Variants in DLG2 observed in about 807,000 individuals in gnomAD.
The protein encoded by DLG2 is disks large homolog 2.
Under a neutral mutation model 132.5 loss-of-function variants are expected in DLG2, and 45 were observed. The observed-to-expected ratio is 0.34, with a 90% CI of 0.27 to 0.44. DLG2 has a LOEUF of 0.44. DLG2 is among the 20% of genes least tolerant of loss of function. The probability of loss-of-function intolerance (pLI) is 1.00; values close to 1 mark genes in which losing one functional copy is unlikely to be tolerated. For missense variants in DLG2, 1,045 were observed against 1,196.9 expected (o/e 0.87, Z 1.87); for synonymous variants, 424 against 419.6 (o/e 1.01, Z -0.13).
chr11:85,081,353 G>C (rs571476508), intron 6 of DLG2, among the ~76,000 whole-genome samples: 1 of 152,118 alleles, frequency 6.6e-6, no homozygotes, highest in African/African-American at 2.4e-5. Flanking sequence ...GAACACTTAG[G>C]ATATATGTTG....
chr11:84,052,904 C>T (rs552873827), intron 11 of DLG2, among the ~76,000 whole-genome samples: 1 of 152,138 alleles, frequency 6.6e-6, no homozygotes, highest in South Asian at 2.1e-4. Flanking sequence ...CTCAGCAATC[C>T]CACCACAGGG....
At chr11:83,786,185 T>C (rs12796763) in intron 18 of DLG2, among the ~76,000 whole-genome samples, 58,608 of 151,962 alleles carry the variant, frequency 0.39, 11,666 homozygotes, top group Middle Eastern at 0.6. Flanking sequence ...TCACTGAGTC[T>C]CATGGTTTAC....
At chr11:84,678,126 T>G (rs2099719033) in intron 6 of DLG2, among the ~76,000 whole-genome samples, 1 of 152,018 alleles carries the variant, frequency 6.6e-6, no homozygotes, top group East Asian at 1.9e-4. Flanking sequence ...ACCCAATCAC[T>G]TCTTCCTCCA....
At chr11:84,786,655 C>A (rs989918980) in intron 6 of DLG2, among the ~76,000 whole-genome samples, 10 of 152,166 alleles carry the variant, frequency 6.6e-5, no homozygotes, top group Admixed American at 2.6e-4. Flanking sequence ...GAATAAAGCT[C>A]CAATGAGCCA....
At chr11:84,764,484 C>T (rs2068109725) in intron 6 of DLG2, among the ~76,000 whole-genome samples, 1 of 152,026 alleles carries the variant, frequency 6.6e-6, no homozygotes, top group Admixed American at 6.6e-5. Context: ...CTGTTCTAAG[C>T]ACTTTATAAT....
At position 83,980,573 on chromosome 11, in the gene DLG2, G is replaced by C; in HGVS notation, c.989C>G (p.Thr330Ser). 6.2e-7 allele frequency: 1 copy of C among 1,613,632 alleles called. No homozygotes were observed. Among genetic ancestry groups the C allele is most frequent in the Non-Finnish European group, 8.5e-7 (1 of 1,179,808 alleles). Residue 330 changes from threonine (T) to serine (S), a missense_variant, in exon 12 of 28, where the codon ACT becomes AGT. Physicochemically the swap from Thr to Ser is moderately conservative, Grantham distance 58. Coordinates refer to ENST00000376104, the MANE Select transcript of DLG2 (RefSeq NM_001142699.3). ...HIPGDNSIYV[T>S]KIIDGGAAQK... ...TGCAGCTCCTCCATCTATAATTTTA[G>C]TTACATAAATGCTGTTGTCTCCAGG...
At chr11:84,541,093 T>A (rs1171591309) in intron 6 of DLG2, among the ~76,000 whole-genome samples, 1 of 151,872 alleles carries the variant, frequency 6.6e-6, no homozygotes, top group East Asian at 1.9e-4. Context: ...CTAATGTAAA[T>A]GACGAGTTAA....
At chr11:84,765,518 C>A (rs1441278972) in intron 6 of DLG2, among the ~76,000 whole-genome samples, 1 of 151,990 alleles carries the variant, frequency 6.6e-6, no homozygotes, top group African/African-American at 2.4e-5. Flanking sequence ...AGAAATTGGA[C>A]AAACTACTGA....
chr11:84,623,174 T>C (rs1420129941), intron 6 of DLG2, among the ~76,000 whole-genome samples: 2 of 152,190 alleles, frequency 1.3e-5, no homozygotes, highest in South Asian at 2.1e-4. Flanking sequence ...ATATCCCAAC[T>C]ATTAATAACT....
At chr11:84,834,641 C>A (rs965146193) in intron 6 of DLG2, among the ~76,000 whole-genome samples, 1 of 151,384 alleles carries the variant, frequency 6.6e-6, no homozygotes, top group African/African-American at 2.4e-5. Flanking sequence ...GGGGTTAGGA[C>A]TGAATATGGA....
chr11:84,356,703 T>A (rs972139860), intron 7 of DLG2, among the ~76,000 whole-genome samples: 7 of 152,076 alleles, frequency 4.6e-5, no homozygotes, highest in Non-Finnish European at 8.8e-5. Flanking sequence ...TTATTCTAAT[T>A]ATTATTATCA....
chr11:84,386,793 A>G (rs906402525), intron 7 of DLG2, among the ~76,000 whole-genome samples: 5 of 152,216 alleles, frequency 3.3e-5, no homozygotes, highest in African/African-American at 1.2e-4. Context: ...ATGCATTTTA[A>G]AATGCATCAA....
chr11:85,545,683 T>A (rs907505666), intron 3 of DLG2, among the ~76,000 whole-genome samples: 1 of 152,212 alleles, frequency 6.6e-6, no homozygotes, highest in Non-Finnish European at 1.5e-5. Context: ...ATTGGTCTAT[T>A]CAGGGATTCA....
At chr11:84,061,639 T>C (rs562674887) in intron 10 of DLG2, among the ~76,000 whole-genome samples, 1 of 152,326 alleles carries the variant, frequency 6.6e-6, no homozygotes, top group South Asian at 2.1e-4. Context: ...GATAATATTA[T>C]ATGAAAAGTA....
At chr11:84,791,720 A>C (rs1346763326) in intron 6 of DLG2, among the ~76,000 whole-genome samples, 1 of 152,134 alleles carries the variant, frequency 6.6e-6, no homozygotes, top group Admixed American at 6.5e-5. Context: ...TTACTTTTAA[A>C]TATCTTTTTC....
At chr11:84,592,239 T>C (rs1356652252) in intron 6 of DLG2, among the ~76,000 whole-genome samples, 3 of 152,174 alleles carry the variant, frequency 2.0e-5, no homozygotes, top group Admixed American at 6.5e-5. Context: ...GTTCAATTAC[T>C]TATGGGGACA....
chr11:84,579,567 T>A (rs2099511575), intron 6 of DLG2, among the ~76,000 whole-genome samples: 1 of 152,136 alleles, frequency 6.6e-6, no homozygotes, highest in Non-Finnish European at 1.5e-5. Flanking sequence ...ATGACCCGTG[T>A]GAGGATGTTA....
At chr11:85,376,503 T>C (rs1409411242) in intron 3 of DLG2, among the ~76,000 whole-genome samples, 1 of 152,202 alleles carries the variant, frequency 6.6e-6, no homozygotes, top group Non-Finnish European at 1.5e-5. Flanking sequence ...TATATCACTC[T>C]ATAAGAGTTG....
At chr11:84,323,162 T>C (rs2098413950) in intron 7 of DLG2, among the ~76,000 whole-genome samples, 1 of 152,104 alleles carries the variant, frequency 6.6e-6, no homozygotes, top group Non-Finnish European at 1.5e-5. Context: ...TCACCATGCA[T>C]GATTAAAAGT....
Sources: gnomAD v4.1 joint callset for allele counts (sites outside exome capture counted in the v4.1 genomes callset) on GRCh38, gnomAD v4.1.1 for gene constraint, MANE v1.5 for transcripts, NCBI Gene and HGNC (gene_info 2026-07-23, HGNC 2026-07-21) for gene names.